The following TMEM132D variants were observed in gnomAD, a reference collection of about 807,000 sequenced individuals.
TMEM132D encodes mature OL transmembrane protein.
TMEM132D carries 21 observed loss-of-function variants against 62.3 expected under a neutral mutation model. The observed-to-expected ratio is 0.34, with a 90% CI of 0.24 to 0.49. The LOEUF is 0.49. Ranked by LOEUF, TMEM132D falls within the 20% of genes least tolerant of loss-of-function variation. TMEM132D has a pLI of 0.99. For missense variants in TMEM132D, 1,346 were observed against 1,402.8 expected (o/e 0.96, Z 0.65); for synonymous variants, 621 against 575.6 (o/e 1.08, Z -1.13).
chr12:129,192,938 A>G (rs1021787878), intron 5 of TMEM132D, among the ~76,000 whole-genome samples: 14 of 152,198 alleles, frequency 9.2e-5, no homozygotes, highest in African/African-American at 3.1e-4. Context: ...TGGGAGGCCG[A>G]GGCGGGCGGA....
At chr12:129,137,530 C>A (rs1266013014) in intron 5 of TMEM132D, among the ~76,000 whole-genome samples, 1 of 152,182 alleles carries the variant, frequency 6.6e-6, no homozygotes, top group Admixed American at 6.5e-5. Flanking sequence ...TCCTTCACCC[C>A]TCTTTGAGTC....
At chr12:129,322,308 G>A (rs1478149518) in intron 4 of TMEM132D, among the ~76,000 whole-genome samples, 1 of 151,934 alleles carries the variant, frequency 6.6e-6, no homozygotes, top group East Asian at 1.9e-4. Context: ...TTTGGAGCCA[G>A]ACATCCATGT....
intron 4 of TMEM132D, among the ~76,000 whole-genome samples, chr12:129,255,491 C>T (rs781087580): frequency 2.6e-5 from 4 of 152,058 alleles, no homozygotes; most frequent in Non-Finnish European, 5.9e-5. Flanking sequence ...TATATAGTTG[C>T]AAATTCAGAA....
chr12:129,423,594 C>T (rs1330407208), intron 3 of TMEM132D, among the ~76,000 whole-genome samples: 1 of 152,150 alleles, frequency 6.6e-6, no homozygotes, highest in African/African-American at 2.4e-5. Context: ...GAATGAGAGT[C>T]TGTGTCACTC....
At chr12:129,435,184 A>T (rs73151066) in intron 3 of TMEM132D, among the ~76,000 whole-genome samples, 7 of 152,186 alleles carry the variant, frequency 4.6e-5, no homozygotes, top group African/African-American at 1.4e-4. Flanking sequence ...TCCATTGTGT[A>T]TAATATAGAC....
chr12:129,463,545 A>G (rs1009152979), intron 3 of TMEM132D, among the ~76,000 whole-genome samples: 2 of 151,706 alleles, frequency 1.3e-5, no homozygotes, highest in Non-Finnish European at 2.9e-5. Flanking sequence ...ACATATGTAT[A>G]CATGTGCCAT....
chr12:129,860,956 G>A (rs1416031068), intron 1 of TMEM132D, among the ~76,000 whole-genome samples: 1 of 152,074 alleles, frequency 6.6e-6, no homozygotes, highest in African/African-American at 2.4e-5. Context: ...TGACACATAG[G>A]GATTATGGGA....
rs765569025 is a variant in TMEM132D, at chr12:129,525,226, GTTTTTTT to G, written c.1115+5826_1115+5832del. On this transcript the variant is annotated intron_variant, in intron 3 of 8. Coordinates refer to ENST00000422113, the MANE Select transcript of TMEM132D (RefSeq NM_133448.3). ...GGGTATGAGCCACGGTGCCCAGCCG[GTTTTTTT>G]TTTTTTTTTTTTTTTTTTTTTTGCT... Among the ~76,000 whole-genome samples the G allele has an allele frequency of 1.0e-3, 69 of 67,396 alleles. 2 individuals carry two copies. The highest frequency in any genetic ancestry group is 1.2e-3 in the Admixed American group (6 of 4,860). The allele number at this position is 67,396 out of a possible 152,430, so 44.2% of individuals were successfully genotyped here. A position where few individuals can be genotyped will look rare whatever the true frequency, so the allele number is the denominator to read the frequency against.
chr12:129,581,782 C>A (rs528878507), intron 2 of TMEM132D, among the ~76,000 whole-genome samples: 113 of 152,320 alleles, frequency 7.4e-4, no homozygotes, highest in African/African-American at 2.6e-3. Flanking sequence ...CCCTCACAGA[C>A]ACACCCAGGG....
intron 5 of TMEM132D, among the ~76,000 whole-genome samples, chr12:129,100,954 G>A (rs544737161): frequency 1.3e-5 from 2 of 152,340 alleles, no homozygotes; most frequent in Admixed American, 6.5e-5. Flanking sequence ...AGCACCAGGC[G>A]GTGGCAGGGA....
intron 4 of TMEM132D, among the ~76,000 whole-genome samples, chr12:129,285,192 C>A (rs1045725464): frequency 6.6e-6 from 1 of 151,978 alleles, no homozygotes; most frequent in Non-Finnish European, 1.5e-5. Flanking sequence ...AGATTGAGAC[C>A]ATCATGCAGA....
At chr12:129,622,189 G>A (rs1879090140) in intron 2 of TMEM132D, among the ~76,000 whole-genome samples, 1 of 152,286 alleles carries the variant, frequency 6.6e-6, no homozygotes, top group South Asian at 2.1e-4. Context: ...ATTTCGAAAC[G>A]GATGAAAAAG....
intron 5 of TMEM132D, among the ~76,000 whole-genome samples, chr12:129,179,334 TGTTTTTTG>T (rs1825410047): frequency 1.3e-5 from 2 of 152,010 alleles, no homozygotes; most frequent in African/African-American, 4.8e-5. Flanking sequence ...TTTTGTTTTT[TGTTTTTTG>T]TTTTTTTTCT....
chr12:129,593,873 G>C (rs952160327), intron 2 of TMEM132D, among the ~76,000 whole-genome samples: 1 of 152,002 alleles, frequency 6.6e-6, no homozygotes, highest in South Asian at 2.1e-4. Context: ...ATACTTGCAG[G>C]GTTTTTAAAG....
At position 129,074,381 on chromosome 12, in the gene TMEM132D, A is replaced by G. The variant is rs202088031; in HGVS notation, c.2794T>C (p.Leu932=). 18 of 1,614,032 alleles carry G rather than the reference A, an allele frequency of 1.1e-5. No individual in the cohort carries two copies. In the East Asian group the frequency reaches 3.3e-4, roughly 30 times the overall value. The change falls in exon 9 of 9, where the codon TTG becomes CTG. Residue 932 remains leucine, a synonymous_variant. Transcript: ENST00000422113. ...GTCACACAGTTTATCAAGAAGACCA[A>G]AATGGCCAAACAGAAGACTCCCAAC... is the stretch of plus-strand genomic sequence containing the variant. ...ALLGVFCLAI[L]VFLINCVTFA...
chr12:129,567,007 C>T (rs573924928), intron 2 of TMEM132D, among the ~76,000 whole-genome samples: 11 of 152,310 alleles, frequency 7.2e-5, no homozygotes, highest in Admixed American at 2.6e-4. Context: ...TATTGACTGA[C>T]GTCATGTCTC....
At chr12:129,441,921 G>A (rs1348689335) in intron 3 of TMEM132D, among the ~76,000 whole-genome samples, 1 of 152,188 alleles carries the variant, frequency 6.6e-6, no homozygotes, top group East Asian at 1.9e-4. Flanking sequence ...TCGCTTATGA[G>A]AGCGGTGCAC....
At chr12:129,428,451 T>C (rs927564229) in intron 3 of TMEM132D, among the ~76,000 whole-genome samples, 1 of 152,228 alleles carries the variant, frequency 6.6e-6, no homozygotes, top group Non-Finnish European at 1.5e-5. Context: ...TTTTGCAACT[T>C]TGTGTCTAAT....
intron 2 of TMEM132D, among the ~76,000 whole-genome samples, chr12:129,630,624 G>A (rs1879325726): frequency 6.6e-6 from 1 of 152,128 alleles, no homozygotes; most frequent in South Asian, 2.1e-4. Flanking sequence ...ATCATGGTAG[G>A]AATTAGTCAT....
Sources: gnomAD v4.1 joint callset for allele counts (sites outside exome capture counted in the v4.1 genomes callset) on GRCh38, gnomAD v4.1.1 for gene constraint, MANE v1.5 for transcripts, NCBI Gene and HGNC (gene_info 2026-07-23, HGNC 2026-07-21) for gene names.